DIPK1A: variants seen among roughly 807,000 people sequenced by gnomAD.
DIPK1A encodes family with sequence similarity 69 member A.
A neutral mutation model predicts 40.8 loss-of-function variants in DIPK1A; 27 were observed. The ratio of observed to expected loss-of-function variants is 0.66; its 90% CI spans 0.49 to 0.91. The LOEUF is 0.91. DIPK1A is among the 40% of genes least tolerant of loss of function. The pLI is 0.00. For synonymous variants in DIPK1A, 166 were observed against 171.3 expected (o/e 0.97, Z 0.24); for missense variants, 412 against 505.7 (o/e 0.81, Z 1.78).
intron 1 of DIPK1A, among the ~76,000 whole-genome samples, chr1:92,895,672 G>A (rs1206372192): frequency 6.6e-6 from 1 of 151,988 alleles, no homozygotes; most frequent in African/African-American, 2.4e-5. Context: ...GGCAGGAGAA[G>A]GAAATAAAGG....
chr1:92,907,300 C>T (rs997595028), intron 1 of DIPK1A, among the ~76,000 whole-genome samples: 1 of 151,998 alleles, frequency 6.6e-6, no homozygotes, highest in Non-Finnish European at 1.5e-5. Context: ...TTTTATTCTG[C>T]AGTATTGTCT....
intron 2 of DIPK1A, among the ~76,000 whole-genome samples, chr1:92,873,432 T>G (rs1183542464): frequency 1.3e-5 from 2 of 152,036 alleles, no homozygotes; most frequent in Non-Finnish European, 2.9e-5. Context: ...CTGGCCAACA[T>G]GGCAAAACCC....
chr1:92,859,160 T>C (rs1165535755), intron 2 of DIPK1A, among the ~76,000 whole-genome samples: 1 of 152,184 alleles, frequency 6.6e-6, no homozygotes, highest in Non-Finnish European at 1.5e-5. Flanking sequence ...TACCAGGTTT[T>C]AAGTAATTTT....
intron 1 of DIPK1A, among the ~76,000 whole-genome samples, chr1:92,918,720 A>G (rs192520964): frequency 1.2e-4 from 18 of 152,226 alleles, no homozygotes; most frequent in East Asian, 3.9e-4. Context: ...GCAGTCCCCA[A>G]ACTTTTTCAC....
intron 1 of DIPK1A, among the ~76,000 whole-genome samples, chr1:92,944,446 T>C (rs548847038): frequency 2.8e-4 from 42 of 152,222 alleles, no homozygotes; most frequent in Non-Finnish European, 5.6e-4. Flanking sequence ...AAAACAGAGA[T>C]CCTGAACAGG....
chr1:92,927,853 C>A, intron 1 of DIPK1A, among the ~76,000 whole-genome samples: 1 of 152,250 alleles, frequency 6.6e-6, no homozygotes, highest in Non-Finnish European at 1.5e-5. Flanking sequence ...TTTTTCCATT[C>A]GTCAGCTGAT....
chr1:92,868,763 C>G (rs1328691882), intron 2 of DIPK1A, among the ~76,000 whole-genome samples: 2 of 151,942 alleles, frequency 1.3e-5, no homozygotes, highest in South Asian at 4.1e-4. Context: ...GTCAGGAGTT[C>G]GAGACCAGCC....
chr1:92,932,689 A>C (rs1040272846), intron 1 of DIPK1A: 1 of 152,244 alleles, frequency 6.6e-6, no homozygotes, highest in Non-Finnish European at 1.5e-5. Context: ...AAGTGAAAGA[A>C]GCCAATCTGA....
chr1:92,856,486 C>T lies in DIPK1A; in HGVS notation c.190-5531G>A, dbSNP rs185500838. ...AGGCTGGAGTGCAATGGCACGATCTCGGCTCACTGCAACCTCCTCCTCCTG... is the reference window on the plus strand; with the variant it reads ...AGGCTGGAGTGCAATGGCACGATCTTGGCTCACTGCAACCTCCTCCTCCTG... On this transcript the variant is annotated intron_variant, in intron 2 of 4. Transcript: ENST00000370310. Among the ~76,000 whole-genome samples the T allele has an allele frequency of 2.7e-3, 407 of 152,182 alleles. 5 individuals carry two copies. In the South Asian group the frequency reaches 0.03, roughly 11 times the overall value.
At chr1:92,940,988 G>A (rs955441894) in intron 1 of DIPK1A, among the ~76,000 whole-genome samples, 1 of 151,684 alleles carries the variant, frequency 6.6e-6, no homozygotes, top group African/African-American at 2.4e-5. Context: ...TGAGTTTTGA[G>A]AGTTCTTTGT....
At chr1:92,896,138 G>A (rs1489294648) in intron 1 of DIPK1A, among the ~76,000 whole-genome samples, 2 of 152,094 alleles carry the variant, frequency 1.3e-5, no homozygotes, top group Non-Finnish European at 2.9e-5. Context: ...TTTCTTCACA[G>A]AATTGGAAAA....
chr1:92,935,198 T>C (rs974962961), intron 1 of DIPK1A, among the ~76,000 whole-genome samples: 2 of 152,212 alleles, frequency 1.3e-5, no homozygotes. Context: ...CACCTCTCTA[T>C]TGAGCAACAC....
At chr1:92,920,077 C>T (rs1211977135) in intron 1 of DIPK1A, among the ~76,000 whole-genome samples, 2 of 152,106 alleles carry the variant, frequency 1.3e-5, no homozygotes, top group East Asian at 3.9e-4. Flanking sequence ...ATGATACTTT[C>T]CCTCAATCAA....
chr1:92,900,393 G>A (rs1200901603), intron 1 of DIPK1A, among the ~76,000 whole-genome samples: 1 of 151,854 alleles, frequency 6.6e-6, no homozygotes, highest in Non-Finnish European at 1.5e-5. Flanking sequence ...GACTGGTGTT[G>A]AAACTCTCTA....
chr1:92,871,693 A>G (rs1647868638), intron 2 of DIPK1A, among the ~76,000 whole-genome samples: 1 of 152,208 alleles, frequency 6.6e-6, no homozygotes, highest in African/African-American at 2.4e-5. Context: ...TAGGTATTGC[A>G]GCATATAAAT....
At chr1:92,947,303 C>G (rs1265281683) in intron 1 of DIPK1A, among the ~76,000 whole-genome samples, 1 of 152,040 alleles carries the variant, frequency 6.6e-6, no homozygotes, top group Non-Finnish European at 1.5e-5. Context: ...GGCAAATGAT[C>G]TGAACAGACA....
Position 92,842,445 on chromosome 1 carries a change from A to C in DIPK1A, c.*938T>G. On this transcript the variant is annotated 3_prime_UTR_variant, in exon 5 of 5. Transcript: ENST00000370310. ...GTGAAAATAATATGAAAGAGGAGCA[A>C]ATACTAAACCTTGTATATCAAGTTT... 1.0e-6 allele frequency: 1 copy of C among 979,354 alleles called. No homozygotes were observed. The highest frequency in any genetic ancestry group is 1.2e-6 in the Non-Finnish European group (1 of 824,552). The allele number at this position is 979,354 out of a possible 1,614,324, so 60.7% of individuals were successfully genotyped here.
chr1:92,959,185 C>T (rs754086121), intron 1 of DIPK1A, among the ~76,000 whole-genome samples: 44 of 152,106 alleles, frequency 2.9e-4, no homozygotes, highest in Non-Finnish European at 5.6e-4. Context: ...TCTCAGGAGG[C>T]TGAGGTGAAA....
intron 1 of DIPK1A, among the ~76,000 whole-genome samples, chr1:92,956,465 G>A (rs1426992747): frequency 6.6e-6 from 1 of 152,194 alleles, no homozygotes; most frequent in African/African-American, 2.4e-5. Flanking sequence ...TAAAGTTAAT[G>A]AGAACTATAC....
Sources: gnomAD v4.1 joint callset for allele counts (sites outside exome capture counted in the v4.1 genomes callset) on GRCh38, gnomAD v4.1.1 for gene constraint, MANE v1.5 for transcripts, NCBI Gene and HGNC (gene_info 2026-07-23, HGNC 2026-07-21) for gene names.